HECW1: variants seen among roughly 807,000 people sequenced by gnomAD.
HECW1 encodes E3 ubiquitin-protein ligase HECW1.
Under a neutral mutation model 182.3 loss-of-function variants are expected in HECW1, and 61 were observed. That is an observed-to-expected ratio of 0.33 (90% CI 0.27 to 0.41). The LOEUF (loss-of-function observed/expected upper bound fraction) is 0.41. Among genes scored for constraint, HECW1 ranks in the 10% least tolerant of loss-of-function variants. HECW1 has a pLI of 1.00. For synonymous variants in HECW1, 859 were observed against 832.6 expected (o/e 1.03, Z -0.55); for missense variants, 1,739 against 2,108.9 (o/e 0.82, Z 3.44).
intron 2 of HECW1, among the ~76,000 whole-genome samples, chr7:43,144,158 C>T (rs144679329): frequency 5.9e-4 from 90 of 152,262 alleles, no homozygotes; most frequent in African/African-American, 2.0e-3. Flanking sequence ...GAAGAATGTT[C>T]ATCAGGTATT....
At chr7:43,186,723 T>C (rs1376408102) in intron 2 of HECW1, among the ~76,000 whole-genome samples, 3 of 152,036 alleles carry the variant, frequency 2.0e-5, no homozygotes, top group Admixed American at 1.3e-4. Context: ...GTGCCTTTTG[T>C]ACATTTAGAT....
chr7:43,334,151 T>C (rs1207106365), intron 5 of HECW1, among the ~76,000 whole-genome samples: 1 of 152,266 alleles, frequency 6.6e-6, no homozygotes, highest in African/African-American at 2.4e-5. Flanking sequence ...CAGAAAGTCC[T>C]GCCTGAACAT....
intron 2 of HECW1, among the ~76,000 whole-genome samples, chr7:43,198,999 C>G (rs1794789868): frequency 6.6e-6 from 1 of 152,322 alleles, no homozygotes; most frequent in East Asian, 1.9e-4. Context: ...AAACCATTTG[C>G]CTTCCCAGTT....
intron 2 of HECW1, among the ~76,000 whole-genome samples, chr7:43,216,674 T>C (rs1796471427): frequency 6.6e-6 from 1 of 150,754 alleles, no homozygotes; most frequent in African/African-American, 2.4e-5. Context: ...TTTTTTTTTT[T>C]CTGAGAGTCT....
At chr7:43,530,916 C>T (rs1290630307) in intron 24 of HECW1, among the ~76,000 whole-genome samples, 1 of 152,188 alleles carries the variant, frequency 6.6e-6, no homozygotes, top group Non-Finnish European at 1.5e-5. Context: ...AATGCCAAAA[C>T]AAGCATGTCA....
intron 24 of HECW1, among the ~76,000 whole-genome samples, chr7:43,519,770 G>T (rs1053222704): frequency 6.6e-6 from 1 of 152,178 alleles, no homozygotes; most frequent in Admixed American, 6.5e-5. Flanking sequence ...TCAAGATATT[G>T]TTGAGAGAAG....
intron 2 of HECW1, among the ~76,000 whole-genome samples, chr7:43,136,820 C>T (rs774089489): frequency 2.0e-5 from 3 of 152,144 alleles, no homozygotes; most frequent in Non-Finnish European, 4.4e-5. Context: ...AGTCAATGCA[C>T]GTCCACTCTC....
At chr7:43,499,973 G>T (rs2079273359) in intron 19 of HECW1, among the ~76,000 whole-genome samples, 1 of 152,148 alleles carries the variant, frequency 6.6e-6, no homozygotes, top group African/African-American at 2.4e-5. Context: ...GGTTCTTGGG[G>T]CCGGGCCCCC....
At chr7:43,388,529 G>C (rs925227371) in intron 6 of HECW1, among the ~76,000 whole-genome samples, 3 of 152,222 alleles carry the variant, frequency 2.0e-5, no homozygotes, top group African/African-American at 7.2e-5. Flanking sequence ...AGCAGTGGGT[G>C]CTTGGAATGA....
intron 4 of HECW1, among the ~76,000 whole-genome samples, chr7:43,318,333 G>A (rs1809602785): frequency 6.6e-6 from 1 of 152,256 alleles, no homozygotes; most frequent in East Asian, 1.9e-4. Flanking sequence ...CAGAAATGAG[G>A]CAATTACTGT....
At chr7:43,353,965 C>T (rs1281694564) in intron 5 of HECW1, among the ~76,000 whole-genome samples, 2 of 152,184 alleles carry the variant, frequency 1.3e-5, no homozygotes, top group African/African-American at 4.8e-5. Flanking sequence ...ATCCCCTTGG[C>T]ATGAGCCCTT....
At chr7:43,151,648 AT>A (rs1789339122) in intron 2 of HECW1, among the ~76,000 whole-genome samples, 1 of 152,202 alleles carries the variant, frequency 6.6e-6, no homozygotes, top group Admixed American at 6.5e-5. Context: ...CCAAATAAAC[AT>A]TGCTAAAAAT....
At chr7:43,554,814 G>A (rs149756051) in intron 29 of HECW1, 24 bp downstream of exon 29, 31 of 1,602,628 alleles carry the variant, frequency 1.9e-5, no homozygotes, top group South Asian at 8.9e-5. Context: ...GCCAGCCTTC[G>A]GGGAAACCTG....
chr7:43,458,319 A>G (rs1026392396), intron 13 of HECW1, among the ~76,000 whole-genome samples: 16 of 152,234 alleles, frequency 1.1e-4, no homozygotes, highest in African/African-American at 3.9e-4. Context: ...CAAGACAATG[A>G]ATCTGAAGCA....
intron 2 of HECW1, among the ~76,000 whole-genome samples, chr7:43,189,189 G>T (rs139377891): frequency 6.6e-6 from 1 of 152,130 alleles, no homozygotes; most frequent in Non-Finnish European, 1.5e-5. Flanking sequence ...AGGACAGAAA[G>T]AAAGAACAAA....
chr7:43,431,681 C>G (rs569804977), intron 8 of HECW1, among the ~76,000 whole-genome samples: 2 of 152,290 alleles, frequency 1.3e-5, no homozygotes, highest in South Asian at 4.1e-4. Flanking sequence ...CAAGCTGTGG[C>G]CAGGAGGCTG....
chr7:43,320,196 G>A (rs80260826), intron 4 of HECW1, among the ~76,000 whole-genome samples: 3 of 152,180 alleles, frequency 2.0e-5, no homozygotes, highest in East Asian at 1.9e-4. Context: ...GAGATGATTC[G>A]AAGTGGAGTC....
At chr7:43,329,634 G>A (rs985971030) in intron 5 of HECW1, among the ~76,000 whole-genome samples, 13 of 152,122 alleles carry the variant, frequency 8.5e-5, no homozygotes, top group Non-Finnish European at 1.3e-4. Context: ...CAGAAAGGGG[G>A]CGAGTTTGGG....
chr7:43,422,707 A>C (rs1366914472), intron 8 of HECW1, among the ~76,000 whole-genome samples: 2 of 152,106 alleles, frequency 1.3e-5, no homozygotes, highest in Non-Finnish European at 2.9e-5. Context: ...CTTTACCAGA[A>C]TTATATATAC....
Sources: allele counts gnomAD v4.1 joint callset (sites outside exome capture counted in the v4.1 genomes callset), GRCh38; gene constraint gnomAD v4.1.1; transcripts MANE v1.5; gene names NCBI Gene and HGNC (gene_info 2026-07-23, HGNC 2026-07-21).